The following PRKG1 variants were observed in gnomAD, a reference collection of about 807,000 sequenced individuals.
PRKG1 encodes protein kinase cGMP-dependent 1.
A neutral mutation model predicts 88.1 loss-of-function variants in PRKG1; 35 were observed. That is an observed-to-expected ratio of 0.40 (90% confidence interval 0.30 to 0.53). The LOEUF is 0.53. PRKG1 is among the 20% of genes least tolerant of loss of function. The pLI is 0.59. For synonymous variants in PRKG1, 303 were observed against 292.5 expected, an observed-to-expected ratio of 1.04 and a Z score of -0.37; for missense variants, 540 against 839.8, an observed-to-expected ratio of 0.64 and a Z score of 4.41.
chr10:51,212,053 T>G (rs2132074811), intron 2 of PRKG1, among the ~76,000 whole-genome samples: 1 of 152,218 alleles, frequency 6.6e-6, no homozygotes, highest in Middle Eastern at 3.4e-3. Context: ...TCACACTACC[T>G]GACTTCAAAC....
chr10:51,046,139 A>G (rs2132763573), intron 1 of PRKG1, among the ~76,000 whole-genome samples: 1 of 152,376 alleles, frequency 6.6e-6, no homozygotes, highest in African/African-American at 2.4e-5. Context: ...TTCTTCCAGT[A>G]TGTAACAATT....
intron 3 of PRKG1, among the ~76,000 whole-genome samples, chr10:51,750,986 G>A (rs1175775816): frequency 6.6e-6 from 1 of 152,040 alleles, no homozygotes; most frequent in Admixed American, 6.6e-5. Flanking sequence ...CCCCTTTTCT[G>A]GTGCTGAAGT....
chr10:52,145,415 A>G (rs763502977), intron 8 of PRKG1, among the ~76,000 whole-genome samples: 24 of 152,234 alleles, frequency 1.6e-4, no homozygotes, highest in Non-Finnish European at 2.8e-4. Context: ...TTTCTAAATC[A>G]TAAATATCCA....
At chr10:52,006,104 A>C (rs1169421453) in intron 5 of PRKG1, among the ~76,000 whole-genome samples, 5 of 146,330 alleles carry the variant, frequency 3.4e-5, no homozygotes, top group Non-Finnish European at 6.2e-5. Flanking sequence ...AACAAACAAA[A>C]AAAACAAGTC....
At chr10:51,332,618 G>A (rs1303181980) in intron 2 of PRKG1, among the ~76,000 whole-genome samples, 1 of 152,200 alleles carries the variant, frequency 6.6e-6, no homozygotes, top group Non-Finnish European at 1.5e-5. Flanking sequence ...TGAAGATGAT[G>A]TTAACCCAGT....
intron 3 of PRKG1, among the ~76,000 whole-genome samples, chr10:51,718,342 C>T (rs918167280): frequency 2.0e-5 from 3 of 152,154 alleles, no homozygotes; most frequent in African/African-American, 7.2e-5. Context: ...AGCAGTCCAA[C>T]AAGCTCAAGT....
intron 1 of PRKG1, among the ~76,000 whole-genome samples, chr10:51,147,801 TAA>T (rs1179054995): frequency 6.6e-6 from 1 of 152,188 alleles, no homozygotes; most frequent in Non-Finnish European, 1.5e-5. Context: ...ATTTTTGTCA[TAA>T]GATTGGGATA....
intron 1 of PRKG1, among the ~76,000 whole-genome samples, chr10:50,995,490 T>C (rs1303573484): frequency 6.6e-6 from 1 of 152,240 alleles, no homozygotes; most frequent in East Asian, 1.9e-4. Flanking sequence ...TGATTATCTT[T>C]GAAAACTGCA....
intron 1 of PRKG1, among the ~76,000 whole-genome samples, chr10:51,130,039 C>A (rs527599704): frequency 5.3e-5 from 8 of 152,156 alleles, no homozygotes; most frequent in African/African-American, 1.9e-4. Context: ...GAACTTTATA[C>A]TAATAGTTTT....
chr10:52,287,210 A>G (rs1419273543), intron 14 of PRKG1, among the ~76,000 whole-genome samples: 3 of 152,044 alleles, frequency 2.0e-5, no homozygotes, highest in African/African-American at 7.2e-5. Flanking sequence ...TAAGAGATTA[A>G]AAAGAATATT....
intron 10 of PRKG1, among the ~76,000 whole-genome samples, chr10:52,270,186 C>A (rs1841682559): frequency 6.6e-6 from 1 of 152,014 alleles, no homozygotes; most frequent in Non-Finnish European, 1.5e-5. Flanking sequence ...AGACTAGGGT[C>A]CACCACTCAA....
intron 2 of PRKG1, among the ~76,000 whole-genome samples, chr10:51,235,546 A>G (rs565990322): frequency 6.6e-6 from 1 of 152,298 alleles, no homozygotes; most frequent in South Asian, 2.1e-4. Context: ...TGGATTTTAT[A>G]AAGACCCACT....
chr10:51,559,561 T>C (rs1421393222), intron 3 of PRKG1, among the ~76,000 whole-genome samples: 1 of 152,100 alleles, frequency 6.6e-6, no homozygotes, highest in Non-Finnish European at 1.5e-5. Context: ...GCTCATATAT[T>C]GCCTTCCTTT....
chr10:52,051,044 A>G (rs1415136520), intron 5 of PRKG1, among the ~76,000 whole-genome samples: 3 of 152,162 alleles, frequency 2.0e-5, no homozygotes, highest in Non-Finnish European at 4.4e-5. Context: ...CTGGATGTAC[A>G]GGACATCTCC....
chr10:52,246,896 AAAAG>A (rs1403924601), intron 9 of PRKG1, among the ~76,000 whole-genome samples: 2 of 151,426 alleles, frequency 1.3e-5, no homozygotes, highest in Non-Finnish European at 2.9e-5. Flanking sequence ...AAAAAAAAAA[AAAAG>A]AGTCGCCTAT....
chr10:52,150,710 G>C (rs529929061), intron 8 of PRKG1, among the ~76,000 whole-genome samples: 3 of 152,214 alleles, frequency 2.0e-5, no homozygotes, highest in East Asian at 3.9e-4. Flanking sequence ...GAGTTTCACA[G>C]CATAAATAAC....
In PRKG1 at chr10:51,213,788, G is replaced by A. The variant is rs148937812; in HGVS notation, c.478+60458G>A. Among the ~76,000 whole-genome samples the A allele has an allele frequency of 1.0e-2, 1,516 of 152,220 alleles. 32 individuals carry two copies. Among genetic ancestry groups the A allele is most frequent in the African/African-American group, 0.035 (1,437 of 41,544 alleles). On this transcript the variant is annotated intron_variant, in intron 2 of 17. Coordinates refer to ENST00000373980, the MANE Select transcript of PRKG1 (RefSeq NM_006258.4). ...TGGGTGTGTGTGTTTATGTGTGTGT[G>A]CAGGGGTGAGAGAGCAAGAGAGAAG...
intron 9 of PRKG1, among the ~76,000 whole-genome samples, chr10:52,183,500 A>G (rs887233126): frequency 6.6e-6 from 1 of 152,202 alleles, no homozygotes. Flanking sequence ...CTGTTCCTCC[A>G]GCTAGAAGTG....
At chr10:52,113,205 T>A (rs1403033098) in intron 7 of PRKG1, among the ~76,000 whole-genome samples, 1 of 152,234 alleles carries the variant, frequency 6.6e-6, no homozygotes, top group East Asian at 1.9e-4. Flanking sequence ...GCATAGTTGC[T>A]AATCTATTGT....
Sources: allele counts gnomAD v4.1 joint callset (sites outside exome capture counted in the v4.1 genomes callset), GRCh38; gene constraint gnomAD v4.1.1; transcripts MANE v1.5; gene names NCBI Gene and HGNC (gene_info 2026-07-23, HGNC 2026-07-21).